The following PLCB1 variants were observed in gnomAD, a reference collection of about 807,000 sequenced individuals.
The protein encoded by PLCB1 is phospholipase C beta 1, also known as 1-phosphatidylinositol 4,5-bisphosphate phosphodiesterase beta-1.
Under a neutral mutation model 161.8 loss-of-function variants are expected in PLCB1, and 46 were observed. The observed-to-expected ratio is 0.28, with a 90% CI of 0.22 to 0.36. The LOEUF (loss-of-function observed/expected upper bound fraction) is 0.36. Among genes scored for constraint, PLCB1 ranks in the 10% least tolerant of loss-of-function variants. The pLI, the probability that PLCB1 is intolerant of heterozygous loss-of-function variation, is 1.00. For synonymous variants in PLCB1, 517 were observed against 503.7 expected (o/e 1.03, Z -0.35); for missense variants, 1,016 against 1,472.5 (o/e 0.69, Z 5.07).
At chr20:8,155,092 A>G (rs1827966890) in intron 2 of PLCB1, among the ~76,000 whole-genome samples, 1 of 152,162 alleles carries the variant, frequency 6.6e-6, no homozygotes, top group East Asian at 1.9e-4. Flanking sequence ...CTGACATTTC[A>G]CTACCTGGTT....
At chr20:8,477,871 T>C (rs997837173) in intron 3 of PLCB1, among the ~76,000 whole-genome samples, 1 of 152,200 alleles carries the variant, frequency 6.6e-6, no homozygotes, top group East Asian at 1.9e-4. Flanking sequence ...GGAATAACAT[T>C]TCGGCTTAAC....
chr20:8,634,550 G>T (rs534015984), intron 4 of PLCB1, among the ~76,000 whole-genome samples: 1 of 152,118 alleles, frequency 6.6e-6, no homozygotes, highest in Non-Finnish European at 1.5e-5. Flanking sequence ...TTAAGCCCTT[G>T]ACAGGTCTCA....
intron 2 of PLCB1, among the ~76,000 whole-genome samples, chr20:8,178,284 G>A (rs112512551): frequency 0.049 from 7,444 of 152,196 alleles, 216 homozygotes; most frequent in Middle Eastern, 0.13. Context: ...TTCCACAGTG[G>A]CTCTGAACTA....
chr20:8,774,424 GA>G, intron 26 of PLCB1, 114 bp from the exon 27 acceptor site: 1 of 1,066,210 alleles, frequency 9.4e-7, no homozygotes, highest in Non-Finnish European at 1.3e-6. Context: ...AGTGGCTTAT[GA>G]AAATATGTAT....
chr20:8,472,091 T>C (rs1982077029), intron 3 of PLCB1, among the ~76,000 whole-genome samples: 1 of 152,218 alleles, frequency 6.6e-6, no homozygotes, highest in Admixed American at 6.5e-5. Flanking sequence ...ATAATTATTT[T>C]TGATTTCTCC....
chr20:8,757,145 C>G lies in PLCB1; in HGVS notation c.2623C>G (p.Pro875Ala), dbSNP rs1568586909. Reference protein sequence around the residue: ...NHTTTLTPKPPSQALHSQPAP... With the variant: ...NHTTTLTPKPASQALHSQPAP... ...CACTACAACCCTGACACCCAAGCCACCCTCCCAGGCTCTCCACAGCCAGCC... is the reference window on the plus strand; with the variant it reads ...CACTACAACCCTGACACCCAAGCCAGCCTCCCAGGCTCTCCACAGCCAGCC... The change falls in exon 24 of 32, where the codon CCC becomes GCC. Residue 875 changes from proline (P) to alanine (A), a missense_variant. Physicochemically the swap from Pro to Ala is conservative, Grantham distance 27. Coordinates refer to ENST00000338037, the MANE Select transcript of PLCB1 (RefSeq NM_015192.4). 6.2e-7 allele frequency: 1 copy of G among 1,612,816 alleles called. No homozygotes were observed. Among genetic ancestry groups the G allele is most frequent in the Non-Finnish European group, 8.5e-7 (1 of 1,179,290 alleles).
chr20:8,865,599 G>A (rs886225533), intron 31 of PLCB1, among the ~76,000 whole-genome samples: 1 of 152,140 alleles, frequency 6.6e-6, no homozygotes, highest in Non-Finnish European at 1.5e-5. Context: ...AGAGTTTCCA[G>A]TTGATGAACA....
intron 3 of PLCB1, among the ~76,000 whole-genome samples, chr20:8,554,156 T>A (rs998521668): frequency 6.6e-6 from 1 of 151,882 alleles, no homozygotes; most frequent in Admixed American, 6.6e-5. Context: ...ACAGGGGTGA[T>A]ATAAAATGGT....
intron 30 of PLCB1, 53 bp from the exon 31 acceptor site, chr20:8,790,122 G>T: frequency 8.0e-7 from 1 of 1,253,410 alleles, no homozygotes. Context: ...TTCTGAAAAC[G>T]TGCACTTTTA....
intron 2 of PLCB1, among the ~76,000 whole-genome samples, chr20:8,182,655 A>G (rs1352914439): frequency 6.8e-6 from 1 of 148,110 alleles, no homozygotes; most frequent in South Asian, 2.1e-4. Flanking sequence ...ATCTCGGCTC[A>G]CTGCAACCTC....
At position 8,884,383 on chromosome 20, in the gene PLCB1, G is replaced by C. The variant is rs1032786710; in HGVS notation, c.*2534G>C. ...CCGTACTGTGGTTTTTCCTATAATA[G>C]AAAGTAGAGCTGTGTATTAAATTAG... On this transcript the variant is annotated 3_prime_UTR_variant, in exon 32 of 32. Transcript: ENST00000338037. 3.3e-5 allele frequency: 5 copies of C among 152,536 alleles called. No homozygotes were observed. The highest frequency in any genetic ancestry group is 9.7e-5 in the African/African-American group (4 of 41,420). The allele number at this position is 152,536 out of a possible 1,614,324, so 9.4% of individuals were successfully genotyped here.
At chr20:8,519,751 T>C (rs1191637926) in intron 3 of PLCB1, among the ~76,000 whole-genome samples, 1 of 152,188 alleles carries the variant, frequency 6.6e-6, no homozygotes, top group Admixed American at 6.5e-5. Flanking sequence ...AAAATTCCCA[T>C]GTGAAAATAA....
At chr20:8,386,262 C>T (rs1286219431) in intron 3 of PLCB1, among the ~76,000 whole-genome samples, 1 of 152,076 alleles carries the variant, frequency 6.6e-6, no homozygotes, top group African/African-American at 2.4e-5. Context: ...GCAGTGTAGC[C>T]CTACCTAAAG....
At chr20:8,669,462 G>T (rs1300467003) in intron 9 of PLCB1, among the ~76,000 whole-genome samples, 4 of 152,218 alleles carry the variant, frequency 2.6e-5, no homozygotes, top group Admixed American at 2.0e-4. Flanking sequence ...GGAATGAGTT[G>T]AGAGGTAAGT....
intron 3 of PLCB1, among the ~76,000 whole-genome samples, chr20:8,553,305 A>G (rs541274049): frequency 2.0e-5 from 3 of 152,278 alleles, no homozygotes; most frequent in East Asian, 3.9e-4. Flanking sequence ...CACTATTTAG[A>G]TTTGCTATTG....
At chr20:8,256,402 C>T (rs932617206) in intron 2 of PLCB1, among the ~76,000 whole-genome samples, 3 of 152,038 alleles carry the variant, frequency 2.0e-5, no homozygotes, top group African/African-American at 7.2e-5. Flanking sequence ...TTCTCCTCTA[C>T]CCTGGTCCTC....
chr20:8,877,617 G>A (rs755409009), intron 31 of PLCB1, among the ~76,000 whole-genome samples: 5 of 152,160 alleles, frequency 3.3e-5, no homozygotes, highest in African/African-American at 4.8e-5. Flanking sequence ...TAACATCTGA[G>A]TTTGCAACCC....
chr20:8,858,586 G>A (rs1333517423), intron 31 of PLCB1, among the ~76,000 whole-genome samples: 2 of 152,130 alleles, frequency 1.3e-5, no homozygotes, highest in South Asian at 2.1e-4. Flanking sequence ...CAGTGTGAGT[G>A]TGCAGAGATT....
At chr20:8,166,651 C>T (rs1212436860) in intron 2 of PLCB1, among the ~76,000 whole-genome samples, 2 of 152,114 alleles carry the variant, frequency 1.3e-5, no homozygotes, top group African/African-American at 4.8e-5. Flanking sequence ...CTGACCTGGT[C>T]CTGGTGCCTT....
Sources: gnomAD v4.1 joint callset for allele counts (sites outside exome capture counted in the v4.1 genomes callset) on GRCh38, gnomAD v4.1.1 for gene constraint, MANE v1.5 for transcripts, NCBI Gene and HGNC (gene_info 2026-07-23, HGNC 2026-07-21) for gene names.